The following MNT variants were observed in gnomAD, a reference collection of about 807,000 sequenced individuals.
MNT encodes max-binding protein MNT.
In MNT, 13 loss-of-function variants were observed where a neutral mutation model predicts 40.7. That is an observed-to-expected ratio of 0.32 (90% CI 0.21 to 0.51). MNT has a LOEUF of 0.51. Ranked by LOEUF, MNT falls within the 20% of genes least tolerant of loss-of-function variation. The pLI, the probability that MNT is intolerant of heterozygous loss-of-function variation, is 0.98. For missense variants in MNT, 757 were observed against 792.0 expected (o/e 0.96, Z 0.53); for synonymous variants, 426 against 354.8 (o/e 1.20, Z -2.26).
At chr17:2,392,685 G>T (rs1042555512) in intron 4 of MNT, 5 of 151,904 alleles carry the variant, frequency 3.3e-5, no homozygotes, top group African/African-American at 9.7e-5. Context: ...GCCCCACCCC[G>T]AAGCACGCGC....
chr17:2,394,957 G>C lies in MNT; in HGVS notation c.571C>G (p.Pro191Ala), dbSNP rs775282908. ...GVQPQLAPQQ[P>A]PPPTLGTLKL... is the part of the protein sequence containing the mutation. ...AGGGTCCCCAGCGTGGGTGGGGGCG[G>C]CTGCTGGGGGGCCAGCTGAGGCTGG... Residue 191 changes from proline (P) to alanine (A), a missense_variant, in exon 2 of 6, where the codon CCG (proline) becomes GCG (alanine). Pro to Ala is a conservative substitution (Grantham distance 27). Transcript: ENST00000174618. 2 of 1,607,338 alleles carry C rather than the reference G, an allele frequency of 1.2e-6. No homozygotes were observed. The highest frequency in any genetic ancestry group is 8.5e-7 in the Non-Finnish European group (1 of 1,177,338).
chr17:2,390,536 T>C (rs1173820051), intron 4 of MNT: 1 of 152,164 alleles, frequency 6.6e-6, no homozygotes, highest in African/African-American at 2.4e-5. Flanking sequence ...AGAGTTTGAC[T>C]AATGCCTGAT....
At chr17:2,399,629 A>G (rs2066601160) in intron 1 of MNT, among the ~76,000 whole-genome samples, 1 of 150,954 alleles carries the variant, frequency 6.6e-6, no homozygotes, top group African/African-American at 2.4e-5. Context: ...AACCCAGCGC[A>G]AGGCCCCTTG....
Position 2,387,558 on chromosome 17 carries a change from C to G in MNT, c.1092G>C (p.Leu364=). Residue 364 remains leucine, a synonymous_variant, in exon 6 of 6, where the codon CTG becomes CTC. Transcript: ENST00000174618. The part of the protein sequence containing the change: ...KLSHRPQPEL[L]KSTLPPPSTT... ...TGCTGGGGGGTGGCAGGGTGGACTT[C>G]AGCAGCTCCGGCTGGGGACGATGGC... is the stretch of plus-strand genomic sequence containing the variant. 1 of 1,613,990 alleles carries G rather than the reference C, an allele frequency of 6.2e-7. No individual in the cohort carries two copies. Among genetic ancestry groups the G allele is most frequent in the South Asian group, 1.1e-5 (1 of 91,080 alleles).
At chr17:2,394,485 T>G (rs1415949740) in intron 2 of MNT, 139 bp from the exon 3 acceptor site, 99 of 1,269,574 alleles carry the variant, frequency 7.8e-5, no homozygotes, top group Non-Finnish European at 1.1e-4. Flanking sequence ...ACGTTCGCCC[T>G]GTGCCATGCT....
Position 2,394,127 on chromosome 17 carries a change from C to G in MNT, c.723G>C (p.Glu241Asp). The G allele has an allele frequency of 6.2e-7, 1 of 1,609,380 alleles. No individual in the cohort carries two copies. Among genetic ancestry groups the G allele is most frequent in the Non-Finnish European group, 8.5e-7 (1 of 1,178,068 alleles). The change falls in exon 4 of 6, where the codon GAG becomes GAC. Residue 241 changes from glutamate (E) to aspartate (D), a missense_variant. Coordinates refer to ENST00000174618, the MANE Select transcript of MNT (RefSeq NM_020310.3). ...CGTTGGGGATGTTCCGCTTCAGGGT[C>G]TCAAAGCACTCTTTCAGATGGGCCC... ...NRRAHLKECF[E>D]TLKRNIPNVD...
chr17:2,388,648 C>A (rs561393982), intron 4 of MNT, among the ~76,000 whole-genome samples: 137 of 152,226 alleles, frequency 9.0e-4, no homozygotes, highest in African/African-American at 3.2e-3. Flanking sequence ...CATCACCCTG[C>A]CCACTCCCCT....
Position 2,387,551 on chromosome 17 carries a change from TG to T in MNT, c.1098del (p.Thr367ProfsTer89). ...SHRPQPELLK[S>X]TLPPPSTTPA... ...GGGGTGGTGCTGGGGGGTGGCAGGG[TG>T]GACTTCAGCAGCTCCGGCTGGGGAC... On this transcript the variant is annotated frameshift_variant, in exon 6 of 6. Transcript: ENST00000174618. LOFTEE classifies it high-confidence loss of function. The T allele has an allele frequency of 1.2e-6, 2 of 1,613,334 alleles. No individual in the cohort carries two copies. The highest frequency in any genetic ancestry group is 8.5e-7 in the Non-Finnish European group (1 of 1,179,806).
At chr17:2,389,188 C>T (rs994548599) in intron 4 of MNT, 1 of 152,500 alleles carries the variant, frequency 6.6e-6, no homozygotes, top group Non-Finnish European at 1.5e-5. Context: ...CCCTTCCAGG[C>T]ACCGCACCGT....
At position 2,386,440 on chromosome 17, in the gene MNT, G is replaced by A; in HGVS notation, c.*461C>T. 1 of 162,466 alleles carries A rather than the reference G, an allele frequency of 6.2e-6. No individual in the cohort carries two copies. The highest frequency in any genetic ancestry group is 1.3e-5 in the Non-Finnish European group (1 of 75,206). 10.1% of individuals were successfully genotyped at this position (162,466 alleles called of 1,614,324 possible). ...TTCTGGGCCAAGTGGCTTCAGTTCT[G>A]CTTTCCCCATTTCCCCTCCAAAGGC... On this transcript the variant is annotated 3_prime_UTR_variant, in exon 6 of 6. Transcript: ENST00000174618.
chr17:2,398,444 G>A (rs772093213), intron 1 of MNT, among the ~76,000 whole-genome samples: 5 of 152,224 alleles, frequency 3.3e-5, no homozygotes, highest in Admixed American at 6.5e-5. Context: ...CCGGGAAAGC[G>A]TTCTGGTCAG....
In MNT at chr17:2,385,082, G is replaced by C. The variant is rs1226172767; in HGVS notation, c.*1819C>G. On this transcript the variant is annotated 3_prime_UTR_variant, in exon 6 of 6. Coordinates refer to ENST00000174618, the MANE Select transcript of MNT (RefSeq NM_020310.3). ...GGGTCTGGCGGAGGTGGCTGTGCTGGGGTGGGTACAGGGCTCAGCCTCTGA... is the reference window on the plus strand; with the variant it reads ...GGGTCTGGCGGAGGTGGCTGTGCTGCGGTGGGTACAGGGCTCAGCCTCTGA... 2 of 152,270 alleles carry C rather than the reference G, an allele frequency of 1.3e-5. No homozygotes were observed. The highest frequency in any genetic ancestry group is 1.9e-4 in the East Asian group (1 of 5,198). 9.4% of individuals were successfully genotyped at this position (152,270 alleles called of 1,614,324 possible).
Position 2,388,053 on chromosome 17 carries a change from GCA to G in MNT, c.808-6_808-5del, listed in dbSNP as rs1567865066. On this transcript the variant is annotated splice_polypyrimidine_tract_variant and splice_region_variant and intron_variant, in intron 4 of 5. Coordinates refer to ENST00000174618, the MANE Select transcript of MNT (RefSeq NM_020310.3). ...CCTTCTCCTTCCTCTTCAGGGACTG[GCA>G]CACAGAGTAAGGGACAGCAGGACAC... The G allele has an allele frequency of 6.4e-7, 1 of 1,553,458 alleles. No individual in the cohort carries two copies. The highest frequency in any genetic ancestry group is 1.9e-5 in the Admixed American group (1 of 51,398).
At chr17:2,397,827 C>G (rs8080278) in intron 1 of MNT, among the ~76,000 whole-genome samples, 1 of 152,158 alleles carries the variant, frequency 6.6e-6, no homozygotes, top group South Asian at 2.1e-4. Flanking sequence ...GAGCACCCTG[C>G]GCTTAGGCTC....
At chr17:2,394,817 C>CG (rs2066561451) in intron 2 of MNT, 58 bp downstream of exon 2, 2 of 1,315,296 alleles carry the variant, frequency 1.5e-6, no homozygotes, top group African/African-American at 2.9e-5. Context: ...GCACACAGCC[C>CG]GGGGGATGGG....
rs1229793591 is a variant in MNT, at chr17:2,395,065, C to T, written c.463G>A (p.Ala155Thr). Residue 155 changes from alanine to threonine, a missense_variant, in exon 2 of 6, where the codon GCC becomes ACC. Ala to Thr is a moderately conservative substitution (Grantham distance 58). Transcript: ENST00000174618. ...GGGCTGCCATTGGGTGGAATGGTGG[C>T]CTTCGAGTCCGGCAGTAGGGGAGCA... ...TPAPLLPDSK[A>T]TIPPNGSPKP... 9 of 1,548,078 alleles carry T rather than the reference C, an allele frequency of 5.8e-6. No homozygotes were observed. In the South Asian group the frequency reaches 8.7e-5, roughly 15 times the overall value.
At position 2,400,825 on chromosome 17, in the gene MNT, G is replaced by A; in HGVS notation, c.-113C>T. The stretch of plus-strand genomic sequence containing the variant: ...AGGGATCACCTCCGGGGGGCGACAG[G>A]GCTGGGCGGCGCAGCGCACTCCGCA... On this transcript the variant is annotated 5_prime_UTR_variant, in exon 1 of 6. Transcript: ENST00000174618. 2.6e-6 allele frequency: 2 copies of A among 768,438 alleles called. No individual in the cohort carries two copies. Among genetic ancestry groups the A allele is most frequent in the Non-Finnish European group, 3.8e-6 (2 of 520,192 alleles). The allele number at this position is 768,438 out of a possible 1,614,324, so 47.6% of individuals were successfully genotyped here.
intron 5 of MNT, 67 bp downstream of exon 5, chr17:2,387,790 C>G: frequency 1.3e-6 from 2 of 1,547,646 alleles, no homozygotes; most frequent in Non-Finnish European, 1.7e-6. Flanking sequence ...AGAGCCTGGC[C>G]AGGGAGGCTG....
At chr17:2,388,826 C>G (rs2066489908) in intron 4 of MNT, among the ~76,000 whole-genome samples, 1 of 152,150 alleles carries the variant, frequency 6.6e-6, no homozygotes, top group Non-Finnish European at 1.5e-5. Flanking sequence ...CCTTTCAAGT[C>G]TCACAGACCT....
Sources: gnomAD v4.1 joint callset for allele counts (sites outside exome capture counted in the v4.1 genomes callset) on GRCh38, gnomAD v4.1.1 for gene constraint, MANE v1.5 for transcripts, NCBI Gene and HGNC (gene_info 2026-07-23, HGNC 2026-07-21) for gene names.